The following GATA4 variants were observed in gnomAD, a reference collection of about 807,000 sequenced individuals.
The protein encoded by GATA4 is transcription factor GATA-4.
GATA4 carries 7 observed loss-of-function variants against 37.9 expected under a neutral mutation model. The observed-to-expected ratio is 0.18, with a 90% CI of 0.11 to 0.35. The LOEUF (loss-of-function observed/expected upper bound fraction) is 0.35, where lower values mean the gene tolerates loss of function less well. GATA4 is among the 10% of genes least tolerant of loss of function. GATA4 has a pLI of 1.00. For synonymous variants in GATA4, 372 were observed against 292.6 expected, an observed-to-expected ratio of 1.27 and a Z score of -2.77; for missense variants, 647 against 653.0, an observed-to-expected ratio of 0.99 and a Z score of 0.10.
At chr8:11,734,801 T>G (rs62489350) in intron 2 of GATA4, among the ~76,000 whole-genome samples, 5,371 of 152,228 alleles carry the variant, frequency 0.035, 257 homozygotes, top group African/African-American at 0.11. Context: ...CTGTCTCTTC[T>G]TATAAGGGTA....
At chr8:11,678,141 AC>A (rs1798842358) in intron 1 of GATA4, among the ~76,000 whole-genome samples, 1 of 151,858 alleles carries the variant, frequency 6.6e-6, no homozygotes. Flanking sequence ...AGAGTTTGAA[AC>A]CTACCAAGTT....
intron 1 of GATA4, among the ~76,000 whole-genome samples, chr8:11,679,941 CTT>C (rs931979305): frequency 2.6e-5 from 4 of 152,202 alleles, no homozygotes; most frequent in African/African-American, 9.6e-5. Flanking sequence ...TTTACAAACT[CTT>C]TTTGCACTGG....
intron 1 of GATA4, among the ~76,000 whole-genome samples, chr8:11,693,482 G>A (rs796702390): frequency 6.7e-6 from 1 of 148,834 alleles, no homozygotes; most frequent in Non-Finnish European, 1.5e-5. Context: ...AGAAAGAAGA[G>A]AGAGAGAGAG....
chr8:11,683,509 C>G (rs1799044198), intron 1 of GATA4, among the ~76,000 whole-genome samples: 1 of 152,170 alleles, frequency 6.6e-6, no homozygotes, highest in African/African-American at 2.4e-5. Context: ...CGGTTCGATT[C>G]CAACTTTCAC....
chr8:11,709,020 CT>C lies in GATA4; in HGVS notation c.616+94del. On this transcript the variant is annotated intron_variant, in intron 2 of 6. Coordinates refer to ENST00000532059, the MANE Select transcript of GATA4 (RefSeq NM_001308093.3). The surrounding 1 kb of genome is among the most constrained non-coding windows in gnomAD (Gnocchi z 4.3). ...GGGCCTCTTGTTTTTCCACCAACGC[CT>C]TCGTTGGGCTGGGGATGGTGCTTCA... 7.8e-7 allele frequency: 1 copy of C among 1,277,742 alleles called. No individual in the cohort carries two copies. The highest frequency in any genetic ancestry group is 1.0e-6 in the Non-Finnish European group (1 of 963,046). The allele number at this position is 1,277,742 out of a possible 1,614,324, so 79.2% of individuals were successfully genotyped here. A position where few individuals can be genotyped will look rare whatever the true frequency, so the allele number is the denominator to read the frequency against.
chr8:11,723,820 ATAAGATAAAATG>A (rs1486602320), intron 2 of GATA4, among the ~76,000 whole-genome samples: 3 of 152,216 alleles, frequency 2.0e-5, no homozygotes, highest in African/African-American at 7.2e-5. Flanking sequence ...TAAACTATAC[ATAAGATAAAATG>A]TACCGTTTTA....
chr8:11,706,862 A>ATACT (rs1419124990), intron 1 of GATA4, among the ~76,000 whole-genome samples: 12 of 152,312 alleles, frequency 7.9e-5, no homozygotes, highest in Admixed American at 2.0e-4. Context: ...TGTACTTAGT[A>ATACT]GAGTTGTAGA....
upstream of GATA4, among the ~76,000 whole-genome samples, chr8:11,691,585 C>T (rs959810586): frequency 4.6e-5 from 7 of 152,202 alleles, no homozygotes; most frequent in Admixed American, 3.9e-4. Context: ...TTAGTAGTCT[C>T]TTCATTTTAT....
chr8:11,720,081 G>A (rs963407812), intron 2 of GATA4, among the ~76,000 whole-genome samples: 9 of 151,912 alleles, frequency 5.9e-5, no homozygotes, highest in African/African-American at 9.7e-5. Context: ...GGTCTGGCGC[G>A]GAGAAACCCT....
At chr8:11,697,179 C>T (rs971414540) in intron 1 of GATA4, among the ~76,000 whole-genome samples, 1 of 152,244 alleles carries the variant, frequency 6.6e-6, no homozygotes, top group African/African-American at 2.4e-5. Context: ...TCATTAGCAC[C>T]TCTGCTGCAG....
At chr8:11,729,661 C>CTAGTAATCT (rs1432326161) in intron 2 of GATA4, among the ~76,000 whole-genome samples, 1 of 152,094 alleles carries the variant, frequency 6.6e-6, no homozygotes, top group Non-Finnish European at 1.5e-5. Context: ...GCGTTGGTCT[C>CTAGTAATCT]TAGTAATCTC....
intron 1 of GATA4, chr8:11,697,893 T>C (rs1321184737): frequency 1.0e-6 from 1 of 985,352 alleles, no homozygotes. Flanking sequence ...GCTCAGGGAA[T>C]GCCAGATCTC....
At chr8:11,703,478 C>T (rs1218019563), upstream of GATA4, among the ~76,000 whole-genome samples, 2 of 152,138 alleles carry the variant, frequency 1.3e-5, no homozygotes, top group Admixed American at 6.5e-5. Flanking sequence ...CTTGCCACGT[C>T]CCTTGGATTG....
chr8:11,736,671 CTCTG>C (rs1294793546), intron 2 of GATA4, among the ~76,000 whole-genome samples: 2 of 152,180 alleles, frequency 1.3e-5, no homozygotes, highest in East Asian at 3.8e-4. Context: ...AATTGCATTC[CTCTG>C]TCTTTAATGT....
At chr8:11,680,720 C>G (rs966963462) in intron 1 of GATA4, 1 of 985,196 alleles carries the variant, frequency 1.0e-6, no homozygotes, top group African/African-American at 1.7e-5. Flanking sequence ...CCGCTGCGCA[C>G]GGATACCCTG....
intron 2 of GATA4, among the ~76,000 whole-genome samples, chr8:11,729,172 A>C (rs1330436887): frequency 1.3e-5 from 2 of 152,204 alleles, no homozygotes; most frequent in Non-Finnish European, 1.5e-5. Flanking sequence ...GCAGTGAGCC[A>C]TGATCGTGCC....
intron 1 of GATA4, among the ~76,000 whole-genome samples, chr8:11,679,180 G>T (rs1307427767): frequency 2.9e-5 from 2 of 67,942 alleles, no homozygotes; most frequent in African/African-American, 1.1e-4. Flanking sequence ...GAATAATTGC[G>T]GGGGGGGGCA....
At chr8:11,721,741 G>C (rs1003376006) in intron 2 of GATA4, among the ~76,000 whole-genome samples, 6 of 152,196 alleles carry the variant, frequency 3.9e-5, no homozygotes, top group Non-Finnish European at 7.3e-5. Context: ...GACCCAGAAG[G>C]TCAAGCATCT....
At chr8:11,681,198 G>A (rs964340671) in intron 1 of GATA4, 3 of 985,242 alleles carry the variant, frequency 3.0e-6, no homozygotes, top group Admixed American at 1.2e-4. Flanking sequence ...GCCCTGGCCC[G>A]CGCGGGATCT....
Sources: gnomAD v4.1 joint callset for allele counts (sites outside exome capture counted in the v4.1 genomes callset) on GRCh38, gnomAD v4.1.1 for gene constraint, Gnocchi (gnomAD v3.1) non-coding constraint, MANE v1.5 for transcripts, NCBI Gene and HGNC (gene_info 2026-07-23, HGNC 2026-07-21) for gene names.